DENND4C: variants seen among roughly 807,000 people sequenced by gnomAD.
DENND4C encodes the protein DENN domain-containing protein 4C.
DENND4C carries 108 observed loss-of-function variants against 203.0 expected under a neutral mutation model. The ratio of observed to expected loss-of-function variants is 0.53; its 90% confidence interval spans 0.46 to 0.62. The LOEUF (loss-of-function observed/expected upper bound fraction) is 0.62. Ranked by LOEUF, DENND4C falls within the 20% of genes least tolerant of loss-of-function variation. DENND4C has a pLI of 0.00. For missense variants in DENND4C, 2,481 were observed against 2,301.2 expected (o/e 1.08, Z -1.60); for synonymous variants, 871 against 792.4 (o/e 1.10, Z -1.67).
intron 1 of DENND4C, among the ~76,000 whole-genome samples, chr9:19,234,746 T>C (rs1365828066): frequency 6.6e-6 from 1 of 151,858 alleles, no homozygotes; most frequent in Non-Finnish European, 1.5e-5. Flanking sequence ...TTTTGCCATA[T>C]TGCCCAGGCT....
chr9:19,265,952 A>G lies in DENND4C; in HGVS notation c.-17-10206A>G, dbSNP rs554017292. ...TGTCTTTATAGCAGCATGATTTTTA[A>G]TCCTTTGGGTATATACCCAGTAATG... On this transcript the variant is annotated intron_variant, in intron 1 of 32. Coordinates refer to ENST00000434457, the MANE Select transcript of DENND4C (RefSeq NM_001330640.2). 5.9e-5 allele frequency among the ~76,000 whole-genome samples: 9 copies of G among 152,254 alleles called. No homozygotes were observed. The South Asian group carries it at 8.3e-4, about 14-fold the overall frequency.
At chr9:19,270,392 A>G (rs1831403708) in intron 1 of DENND4C, among the ~76,000 whole-genome samples, 1 of 152,204 alleles carries the variant, frequency 6.6e-6, no homozygotes, top group Non-Finnish European at 1.5e-5. Context: ...AATGCTGTCC[A>G]GAAGCTAGGG....
At position 19,346,609 on chromosome 9, in the gene DENND4C, T is replaced by G. The variant is rs1284438360; in HGVS notation, c.3840T>G (p.Asn1280Lys). The change falls in exon 23 of 33, where the codon AAT becomes AAG. Residue 1280 changes from asparagine (N) to lysine (K), a missense_variant. By Grantham distance (94) the Asn-to-Lys change is moderately conservative. Coordinates refer to ENST00000434457, the MANE Select transcript of DENND4C (RefSeq NM_001330640.2). ...DKLFSPVIARNLADEIESYMN... is the reference protein window; with the variant it reads ...DKLFSPVIARKLADEIESYMN... ...TGTTTTCTCCAGTTATTGCACGTAA[T>G]CTGGCTGATGAAATAGAAAGCTATA... The G allele has an allele frequency of 6.2e-7, 1 of 1,614,070 alleles. No homozygotes were observed. The highest frequency in any genetic ancestry group is 1.7e-5 in the Admixed American group (1 of 60,008).
At position 19,360,237 on chromosome 9, in the gene DENND4C, T is replaced by C. The variant is rs1365451846; in HGVS notation, c.5161-7T>C. The C allele has an allele frequency of 6.2e-7, 1 of 1,609,928 alleles. No individual in the cohort carries two copies. Among genetic ancestry groups the C allele is most frequent in the Admixed American group, 1.7e-5 (1 of 58,834 alleles). On this transcript the variant is annotated splice_region_variant and splice_polypyrimidine_tract_variant and intron_variant, in intron 28 of 32. Transcript: ENST00000434457. ...TAATATTAATTTCTTTTTGTATTTT[T>C]TTTAAGGATCCTTTAGGAAAAAGAC...
chr9:19,263,781 A>G (rs1829921941), intron 1 of DENND4C, among the ~76,000 whole-genome samples: 1 of 151,786 alleles, frequency 6.6e-6, no homozygotes, highest in African/African-American at 2.4e-5. Flanking sequence ...CAGCCTCCCG[A>G]GTAGCTGGGG....
At chr9:19,260,882 G>A (rs983796211) in intron 1 of DENND4C, among the ~76,000 whole-genome samples, 3 of 152,020 alleles carry the variant, frequency 2.0e-5, no homozygotes, top group Admixed American at 6.6e-5. Flanking sequence ...CAAGAAATCC[G>A]GTCTGGATGA....
At chr9:19,345,084 G>A (rs1466798836) in intron 22 of DENND4C, among the ~76,000 whole-genome samples, 1 of 152,176 alleles carries the variant, frequency 6.6e-6, no homozygotes, top group African/African-American at 2.4e-5. Context: ...TTTAGCATGT[G>A]GATTTTGGCG....
Position 19,269,669 on chromosome 9 carries a change from A to C in DENND4C, c.-17-6489A>C, listed in dbSNP as rs185582748. Among the ~76,000 whole-genome samples, 491 of 152,226 alleles carry C rather than the reference A, an allele frequency of 3.2e-3. 3 individuals are homozygous for C. Among genetic ancestry groups the C allele is most frequent in the African/African-American group, 0.011 (457 of 41,530 alleles). ...GAATTCCTTCTCTGTATTATCTTGA[A>C]TTTCATTGAGCTTCTTTAAAACAGC... On this transcript the variant is annotated intron_variant, in intron 1 of 32. Coordinates refer to ENST00000434457, the MANE Select transcript of DENND4C (RefSeq NM_001330640.2).
intron 7 of DENND4C, among the ~76,000 whole-genome samples, chr9:19,298,735 A>G (rs1319729297): frequency 6.6e-6 from 1 of 152,198 alleles, no homozygotes; most frequent in Non-Finnish European, 1.5e-5. Context: ...ACTTACTGAC[A>G]TACTTAACAT....
chr9:19,318,208 A>G (rs921609803), intron 12 of DENND4C, among the ~76,000 whole-genome samples: 2 of 152,130 alleles, frequency 1.3e-5, no homozygotes, highest in Non-Finnish European at 2.9e-5. Context: ...AATCCCAGCT[A>G]TTCGGGAGGC....
intron 1 of DENND4C, among the ~76,000 whole-genome samples, chr9:19,258,661 G>GTTTTTTTTTTTGT (rs879325476): frequency 1.5e-5 from 2 of 133,674 alleles, no homozygotes; most frequent in African/African-American, 3.2e-5. Context: ...TAAATTTTAA[G>GTTTTTTTTTTTGT]TTTTTTTTTT....
intron 1 of DENND4C, among the ~76,000 whole-genome samples, chr9:19,248,112 C>T (rs999456240): frequency 3.9e-5 from 6 of 152,150 alleles, no homozygotes; most frequent in Non-Finnish European, 8.8e-5. Context: ...ATGTCACTCT[C>T]ATTTGAAGGC....
intron 1 of DENND4C, among the ~76,000 whole-genome samples, chr9:19,250,760 T>A (rs1186807865): frequency 6.6e-6 from 1 of 152,072 alleles, no homozygotes; most frequent in Non-Finnish European, 1.5e-5. Context: ...AGCGGGGTGG[T>A]CAAGTCTTAA....
intron 5 of DENND4C, chr9:19,292,148 T>TTAA (rs1836463681): frequency 6.6e-6 from 1 of 151,938 alleles, no homozygotes; most frequent in Non-Finnish European, 1.5e-5. Flanking sequence ...CCTCAGCCTC[T>TTAA]TAAGCAGTGG....
At chr9:19,239,593 T>C (rs950702623) in intron 1 of DENND4C, among the ~76,000 whole-genome samples, 2 of 152,032 alleles carry the variant, frequency 1.3e-5, no homozygotes, top group Non-Finnish European at 2.9e-5. Flanking sequence ...TTCAAGCAGT[T>C]CTCCTGTCTC....
In DENND4C at chr9:19,373,488, G is replaced by T. The variant is rs1385965500; in HGVS notation, c.*1315G>T. 1.3e-5 allele frequency: 2 copies of T among 152,556 alleles called. No individual in the cohort carries two copies. The highest frequency in any genetic ancestry group is 2.9e-5 in the Non-Finnish European group (2 of 68,000). 9.5% of individuals were successfully genotyped at this position (152,556 alleles called of 1,614,324 possible). On this transcript the variant is annotated 3_prime_UTR_variant, in exon 33 of 33. Transcript: ENST00000434457. Reference sequence around the variant, plus strand: ...GGATAAACTTGCACTGCACACGGAAGTTTTATTCTTGTATATTTAGATTTG... The same window carrying T: ...GGATAAACTTGCACTGCACACGGAATTTTTATTCTTGTATATTTAGATTTG...
Position 19,296,958 on chromosome 9 carries a change from A to G in DENND4C, c.1040+712A>G, listed in dbSNP as rs377484066. 4.1e-4 allele frequency among the ~76,000 whole-genome samples: 62 copies of G among 152,310 alleles called. 1 individual carries two copies. In the South Asian group the frequency reaches 0.011, roughly 28 times the overall value. On this transcript the variant is annotated intron_variant, in intron 6 of 32. Transcript: ENST00000434457. Reference sequence around the variant, plus strand: ...GTGGAGTTTTGGTTTTAGCATTGACAGAATTATTTGAGCTTTCTCTTTAAT... The same window carrying G: ...GTGGAGTTTTGGTTTTAGCATTGACGGAATTATTTGAGCTTTCTCTTTAAT...
chr9:19,362,845 G>A (rs1041404162), intron 30 of DENND4C, among the ~76,000 whole-genome samples: 1 of 152,190 alleles, frequency 6.6e-6, no homozygotes, highest in Non-Finnish European at 1.5e-5. Context: ...TATTATTCAT[G>A]TATTCAAAAG....
rs139571547 is a variant in DENND4C, at chr9:19,346,427, T to A, written c.3658T>A (p.Leu1220Met). The A allele has an allele frequency of 1.2e-5, 19 of 1,614,056 alleles. No homozygotes were observed. Among genetic ancestry groups the A allele is most frequent in the Admixed American group, 1.0e-4 (6 of 59,998 alleles). Reference sequence around the variant, plus strand: ...TAGTAACAGTAATCAGTCCAGAGACTTGAAAACAGTATCCAAAGATCTGAG... The same window carrying A: ...TAGTAACAGTAATCAGTCCAGAGACATGAAAACAGTATCCAAAGATCTGAG... Reference protein sequence around the residue: ...SDSNSNQSRDLKTVSKDLRNK... With the variant: ...SDSNSNQSRDMKTVSKDLRNK... The change falls in exon 23 of 33, where the codon TTG (leucine) becomes ATG (methionine). Residue 1220 changes from leucine to methionine, a missense_variant. Around this residue, in one of 3 missense-constraint regions of DENND4C, gnomAD observed 2,289 missense variants for 2,113.3 expected, o/e 1.08. Coordinates refer to ENST00000434457, the MANE Select transcript of DENND4C (RefSeq NM_001330640.2).
Sources: allele counts gnomAD v4.1 joint callset (sites outside exome capture counted in the v4.1 genomes callset), GRCh38; gene constraint gnomAD v4.1.1; regional missense constraint gnomAD v4.1.1; transcripts MANE v1.5; gene names NCBI Gene and HGNC (gene_info 2026-07-23, HGNC 2026-07-21).